BCAS3: variants seen among roughly 807,000 people sequenced by gnomAD.
BCAS3 encodes BCAS3 microtubule associated cell migration factor, also known as BCAS4/BCAS3 fusion.
In BCAS3, 53 loss-of-function variants were observed where a neutral mutation model predicts 116.1. That is an observed-to-expected ratio of 0.46 (90% CI 0.37 to 0.57). The LOEUF is 0.57. Among genes scored for constraint, BCAS3 ranks in the 20% least tolerant of loss-of-function variants. BCAS3 has a pLI of 0.00. For synonymous variants in BCAS3, 391 were observed against 408.2 expected, an observed-to-expected ratio of 0.96 and a Z score of 0.51; for missense variants, 917 against 1,165.4, an observed-to-expected ratio of 0.79 and a Z score of 3.10.
chr17:60,868,749 C>A, intron 8 of BCAS3, 66 bp downstream of exon 8: 1 of 939,836 alleles, frequency 1.1e-6, no homozygotes, highest in Non-Finnish European at 1.6e-6. Flanking sequence ...ATGGAGAACT[C>A]TACCAGTTTC....
intron 7 of BCAS3, chr17:60,811,071 A>G (rs768425001): frequency 1.1e-5 from 7 of 635,192 alleles, no homozygotes; most frequent in East Asian, 3.2e-5. Flanking sequence ...TGAGACGTAC[A>G]GTCCAGTTCT....
intron 7 of BCAS3, among the ~76,000 whole-genome samples, chr17:60,809,829 T>C (rs2048629798): frequency 6.6e-6 from 1 of 152,164 alleles, no homozygotes; most frequent in Non-Finnish European, 1.5e-5. Flanking sequence ...GGTATTTGAG[T>C]GAATCCTCTG....
chr17:60,700,185 A>AAAAAAAAAAAAAAAAAAAAAAAAAAAAG (rs1319555739), intron 4 of BCAS3, among the ~76,000 whole-genome samples: 2 of 147,060 alleles, frequency 1.4e-5, no homozygotes, highest in African/African-American at 2.7e-5. Flanking sequence ...AAAAAAAAAA[A>AAAAAAAAAAAAAAAAAAAAAAAAAAAAG]GAAGCAGTTC....
Position 60,930,345 on chromosome 17 carries a change from C to T in BCAS3, c.1087+5845C>T, listed in dbSNP as rs973803626. On this transcript the variant is annotated intron_variant, in intron 13 of 23. Transcript: ENST00000407086. The stretch of plus-strand genomic sequence containing the variant: ...TTTATGTAAAACAAACAAAACATGC[C>T]AAAAAGTTGATTGCATGATTTTTGT... Among the ~76,000 whole-genome samples the T allele has an allele frequency of 3.3e-5, 5 of 152,114 alleles. No homozygotes were observed. The South Asian group carries it at 1.0e-3, about 32-fold the overall frequency.
chr17:60,859,219 G>T lies in BCAS3; in HGVS notation c.477-9357G>T, dbSNP rs963680620. ...TCCAACTTTTATTTTAGGTTCTGGG[G>T]GTACGTGTTCAGGTTTGTTACATCA... On this transcript the variant is annotated intron_variant, in intron 7 of 23. Coordinates refer to ENST00000407086, the MANE Select transcript of BCAS3 (RefSeq NM_017679.5). 5.3e-5 allele frequency among the ~76,000 whole-genome samples: 8 copies of T among 152,134 alleles called. No individual in the cohort carries two copies. In the South Asian group the frequency reaches 1.7e-3, roughly 32 times the overall value.
intron 14 of BCAS3, among the ~76,000 whole-genome samples, chr17:60,975,980 C>A (rs1367754455): frequency 1.5e-5 from 2 of 132,040 alleles, no homozygotes; most frequent in East Asian, 4.5e-4. Flanking sequence ...CACATTTGGG[C>A]TTAGGAATCC....
chr17:61,260,793 A>G (rs2049136816), intron 22 of BCAS3, among the ~76,000 whole-genome samples: 1 of 152,180 alleles, frequency 6.6e-6, no homozygotes, highest in Admixed American at 6.5e-5. Flanking sequence ...CATTAATAAC[A>G]ACGCCTATAG....
chr17:60,781,151 G>A (rs1344273286), intron 6 of BCAS3, among the ~76,000 whole-genome samples: 1 of 151,658 alleles, frequency 6.6e-6, no homozygotes, highest in African/African-American at 2.4e-5. Flanking sequence ...TGTATTTTTA[G>A]TAGAGATGGG....
chr17:60,900,702 CT>C (rs369375367), intron 10 of BCAS3, among the ~76,000 whole-genome samples: 50 of 147,420 alleles, frequency 3.4e-4, no homozygotes, highest in African/African-American at 9.5e-4. Flanking sequence ...TGGCAAACTG[CT>C]TTTTTTTTTC....
chr17:60,963,497 A>G (rs2061504939), intron 14 of BCAS3, among the ~76,000 whole-genome samples: 1 of 148,674 alleles, frequency 6.7e-6, no homozygotes, highest in Non-Finnish European at 1.5e-5. Context: ...TACAAATGGG[A>G]TTGCTTTCTT....
intron 5 of BCAS3, among the ~76,000 whole-genome samples, chr17:60,739,120 T>C (rs2041270490): frequency 6.6e-6 from 1 of 152,204 alleles, no homozygotes; most frequent in African/African-American, 2.4e-5. Flanking sequence ...ACTATACTGC[T>C]TCATGGGTAG....
chr17:60,871,781 T>C (rs1599322874), intron 8 of BCAS3, among the ~76,000 whole-genome samples: 2 of 152,206 alleles, frequency 1.3e-5, no homozygotes, highest in East Asian at 3.9e-4. Context: ...TATTCCTGGA[T>C]TTAATTTTTG....
At chr17:61,194,133 G>A (rs796651556) in intron 22 of BCAS3, among the ~76,000 whole-genome samples, 4 of 152,008 alleles carry the variant, frequency 2.6e-5, no homozygotes, top group African/African-American at 7.2e-5. Context: ...AGAAAAGAAA[G>A]GAAAGGCAGG....
At chr17:61,125,605 G>T (rs1237264854) in intron 22 of BCAS3, among the ~76,000 whole-genome samples, 1 of 152,126 alleles carries the variant, frequency 6.6e-6, no homozygotes, top group East Asian at 1.9e-4. Context: ...TGATGAAAAT[G>T]AAATGTTTGT....
chr17:60,794,464 C>T (rs563133210), intron 6 of BCAS3, among the ~76,000 whole-genome samples: 20 of 152,252 alleles, frequency 1.3e-4, no homozygotes, highest in African/African-American at 4.6e-4. Flanking sequence ...GGTTCTTGGT[C>T]ATGATATCTT....
chr17:61,372,283 G>A (rs1231463907), intron 23 of BCAS3, among the ~76,000 whole-genome samples: 3 of 152,162 alleles, frequency 2.0e-5, no homozygotes, highest in African/African-American at 2.4e-5. Context: ...ACGCAGAGAC[G>A]ATGAATTCTT....
intron 6 of BCAS3, among the ~76,000 whole-genome samples, chr17:60,791,984 A>G (rs974763324): frequency 2.0e-5 from 3 of 152,094 alleles, no homozygotes; most frequent in Non-Finnish European, 4.4e-5. Flanking sequence ...TTAGCTGGGC[A>G]TGGTGACAAG....
rs2070274839 is a variant in BCAS3, at chr17:61,063,418, T to C, written c.2030-11502T>C. ...CCGAGTAGCTGGGACTACAGGCACC[T>C]GCCACCACGCTTGCTAATTTTTTAT... On this transcript the variant is annotated intron_variant, in intron 19 of 23. Coordinates refer to ENST00000407086, the MANE Select transcript of BCAS3 (RefSeq NM_017679.5). This position sits in a 1 kb window ranked among gnomAD's most constrained non-coding sequence, Gnocchi z 5.3. Among the ~76,000 whole-genome samples, 1 of 151,962 alleles carries C rather than the reference T, an allele frequency of 6.6e-6. No homozygotes were observed. Among genetic ancestry groups the C allele is most frequent in the African/African-American group, 2.4e-5 (1 of 41,370 alleles).
intron 3 of BCAS3, among the ~76,000 whole-genome samples, chr17:60,688,643 C>T (rs562624411): frequency 4.6e-5 from 7 of 152,028 alleles, no homozygotes; most frequent in African/African-American, 1.4e-4. Flanking sequence ...GGTGAAACCC[C>T]GTCTCCACCA....
Sources: allele counts gnomAD v4.1 joint callset (sites outside exome capture counted in the v4.1 genomes callset), GRCh38; gene constraint gnomAD v4.1.1; non-coding constraint Gnocchi (gnomAD v3.1); transcripts MANE v1.5; gene names NCBI Gene and HGNC (gene_info 2026-07-23, HGNC 2026-07-21).